Variants in SLC16A14 observed in about 807,000 individuals in gnomAD.
SLC16A14 encodes the protein monocarboxylate transporter 14.
A neutral mutation model predicts 35.8 loss-of-function variants in SLC16A14; 14 were observed. The ratio of observed to expected loss-of-function variants is 0.39; its 90% CI spans 0.26 to 0.61. SLC16A14 has a LOEUF of 0.61. Ranked by LOEUF, SLC16A14 falls within the 20% of genes least tolerant of loss-of-function variation. The probability of loss-of-function intolerance (pLI) is 0.51; values close to 1 mark genes in which losing one functional copy is unlikely to be tolerated. For synonymous variants in SLC16A14, 248 were observed against 258.9 expected (o/e 0.96, Z 0.40); for missense variants, 533 against 655.0 (o/e 0.81, Z 2.03).
At chr2:230,050,509 A>G (rs895844689) in intron 2 of SLC16A14, among the ~76,000 whole-genome samples, 2 of 152,248 alleles carry the variant, frequency 1.3e-5, no homozygotes, top group Non-Finnish European at 2.9e-5. Context: ...ATTATGTATA[A>G]TGAGGGAAAA....
intron 4 of SLC16A14, among the ~76,000 whole-genome samples, chr2:230,044,311 TA>T (rs372578960): frequency 0.013 from 1,699 of 134,074 alleles, 11 homozygotes; most frequent in African/African-American, 0.031. Flanking sequence ...CGTCTCTACT[TA>T]AAAAAAAAAA....
intron 1 of SLC16A14, among the ~76,000 whole-genome samples, chr2:230,061,967 C>T (rs947758784): frequency 2.0e-5 from 3 of 152,102 alleles, no homozygotes; most frequent in Non-Finnish European, 4.4e-5. Context: ...GTCTTGAACT[C>T]CTGACCTCAA....
At chr2:230,065,420 T>A (rs1450880177) in intron 1 of SLC16A14, among the ~76,000 whole-genome samples, 1 of 152,180 alleles carries the variant, frequency 6.6e-6, no homozygotes, top group Non-Finnish European at 1.5e-5. Context: ...CCATGCCAGA[T>A]AATTTTTGTA....
intron 2 of SLC16A14, among the ~76,000 whole-genome samples, chr2:230,051,115 C>T (rs537677568): frequency 5.3e-5 from 8 of 152,272 alleles, no homozygotes; most frequent in South Asian, 4.1e-4. Flanking sequence ...TTTTATGAGA[C>T]GCATTCTGAT....
intron 4 of SLC16A14, among the ~76,000 whole-genome samples, chr2:230,041,763 G>T (rs1262661493): frequency 1.3e-5 from 2 of 151,692 alleles, no homozygotes; most frequent in African/African-American, 2.4e-5. Flanking sequence ...TCTTGAAACT[G>T]TTTTTTTTTA....
At chr2:230,066,121 A>G (rs1048141825) in intron 1 of SLC16A14, among the ~76,000 whole-genome samples, 5 of 152,168 alleles carry the variant, frequency 3.3e-5, no homozygotes, top group African/African-American at 1.2e-4. Flanking sequence ...CCTGGCCAAC[A>G]TGGTGAAATC....
chr2:230,067,415 CA>C (rs2077808015), intron 1 of SLC16A14, among the ~76,000 whole-genome samples: 1 of 152,152 alleles, frequency 6.6e-6, no homozygotes, highest in Non-Finnish European at 1.5e-5. Flanking sequence ...CAAATGGGAG[CA>C]ATGAAGCTTA....
intron 1 of SLC16A14, among the ~76,000 whole-genome samples, chr2:230,063,008 GC>G (rs1218860283): frequency 6.6e-6 from 1 of 152,070 alleles, no homozygotes; most frequent in Non-Finnish European, 1.5e-5. Context: ...CAATTTCCAG[GC>G]CGGCGCAGTG....
chr2:230,054,511 A>G (rs966534162), intron 2 of SLC16A14, among the ~76,000 whole-genome samples: 1 of 152,146 alleles, frequency 6.6e-6, no homozygotes, highest in Non-Finnish European at 1.5e-5. Context: ...CTCTTGCAAC[A>G]CGTGGATGAC....
chr2:230,045,899 C>T lies in SLC16A14; in HGVS notation c.1227G>A (p.Ala409=), dbSNP rs761925209. ...AAAACCCTATCAGCGCACAGATGAC[C>T]GCCAGGCCAGCGTACGTGTGCATCA... is the stretch of plus-strand genomic sequence containing the variant. ...LPLMHTYAGL[A]VICALIGFSS... The change falls in exon 4 of 5, where the codon GCG becomes GCA. Residue 409 remains alanine, a synonymous_variant. Transcript: ENST00000295190. 2.2e-5 allele frequency: 35 copies of T among 1,612,290 alleles called. No individual in the cohort carries two copies. The highest frequency in any genetic ancestry group is 1.8e-4 in the Admixed American group (11 of 59,950).
chr2:230,058,020 C>T (rs1320410580), intron 2 of SLC16A14, among the ~76,000 whole-genome samples: 1 of 128,054 alleles, frequency 7.8e-6, no homozygotes, highest in Non-Finnish European at 1.6e-5. Context: ...CAGAGCAAGA[C>T]TCTGTCTTAA....
rs1003543534 is a variant in SLC16A14 at position 230,046,492 on chromosome 2, G to A, written c.634C>T (p.Leu212Phe). The change falls in exon 4 of 5, where the codon CTC (leucine) becomes TTC (phenylalanine). Residue 212 changes from leucine to phenylalanine, a missense_variant. Transcript: ENST00000295190. This position sits in a 1 kb window ranked among gnomAD's most constrained non-coding sequence, Gnocchi z 5.0. The part of the protein sequence containing the change: ...LCVCGALMRP[L>F]SPGKNPNDPG... Reference sequence around the variant, plus strand: ...TCGTTTGGGTTTTTACCAGGAGAGAGGGGCCTCATGAGCGCCCCACAAACA... The same window carrying A: ...TCGTTTGGGTTTTTACCAGGAGAGAAGGGCCTCATGAGCGCCCCACAAACA... 9 of 1,614,190 alleles carry A rather than the reference G, an allele frequency of 5.6e-6. No homozygotes were observed. Among genetic ancestry groups the A allele is most frequent in the Non-Finnish European group, 7.6e-6 (9 of 1,180,026 alleles).
chr2:230,056,879 T>TAA (rs60620443), intron 2 of SLC16A14, among the ~76,000 whole-genome samples: 74 of 95,476 alleles, frequency 7.8e-4, no homozygotes, highest in East Asian at 1.4e-3. Flanking sequence ...CTACAAAAAG[T>TAA]AAAAAAAAAA....
intron 1 of SLC16A14, among the ~76,000 whole-genome samples, chr2:230,060,763 G>A (rs1290758645): frequency 6.6e-6 from 1 of 151,938 alleles, no homozygotes; most frequent in African/African-American, 2.4e-5. Flanking sequence ...GAGAGAGAGA[G>A]ATATTATGAT....
chr2:230,049,614 A>G, intron 3 of SLC16A14, 147 bp downstream of exon 3: 1 of 802,548 alleles, frequency 1.2e-6, no homozygotes, highest in Non-Finnish European at 1.9e-6. Flanking sequence ...ATGTATTTCC[A>G]GGAGTGTAGG....
intron 4 of SLC16A14, 185 bp downstream of exon 4, chr2:230,045,560 G>GAA: frequency 1.7e-4 from 97 of 565,024 alleles, no homozygotes; most frequent in South Asian, 2.3e-4. Flanking sequence ...ACTCCGTCTT[G>GAA]AAAAAAAAAA....
At chr2:230,064,308 GTGTGTA>G (rs1262041007) in intron 1 of SLC16A14, among the ~76,000 whole-genome samples, 7 of 150,948 alleles carry the variant, frequency 4.6e-5, no homozygotes, top group African/African-American at 1.5e-4. Flanking sequence ...GTGTGTGTGT[GTGTGTA>G]TGTGTGTGTG....
intron 4 of SLC16A14, among the ~76,000 whole-genome samples, chr2:230,042,988 A>G (rs1156662188): frequency 6.6e-6 from 1 of 152,106 alleles, no homozygotes; most frequent in Non-Finnish European, 1.5e-5. Context: ...CAGTCCCTGA[A>G]CTCTATATTT....
At position 230,067,571 on chromosome 2, in the gene SLC16A14, TCA is replaced by T. The variant is rs1553822791; in HGVS notation, c.-15+982_-15+983del. 7.7e-3 allele frequency among the ~76,000 whole-genome samples: 1,107 copies of T among 143,502 alleles called. 24 individuals carry two copies. The highest frequency in any genetic ancestry group is 0.03 in the African/African-American group (1,058 of 35,774). 94.1% of individuals were successfully genotyped at this position (143,502 alleles called of 152,430 possible). A position where few individuals can be genotyped will look rare whatever the true frequency, so the allele number is the denominator to read the frequency against. On this transcript the variant is annotated intron_variant, in intron 1 of 4. Coordinates refer to ENST00000295190, the MANE Select transcript of SLC16A14 (RefSeq NM_152527.5). Reference sequence around the variant, plus strand: ...CTCTCTCTCTCTCTCTCTCTCTCTCTCACACACACACACACAGCCGCACACGC... The same window carrying T: ...CTCTCTCTCTCTCTCTCTCTCTCTCTCACACACACACACAGCCGCACACGC...
Sources: gnomAD v4.1 joint callset for allele counts (sites outside exome capture counted in the v4.1 genomes callset) on GRCh38, gnomAD v4.1.1 for gene constraint, Gnocchi (gnomAD v3.1) non-coding constraint, MANE v1.5 for transcripts, NCBI Gene and HGNC (gene_info 2026-07-23, HGNC 2026-07-21) for gene names.